Variants in PIK3C2G observed in about 807,000 individuals in gnomAD.
PIK3C2G encodes the protein phosphatidylinositol 3-kinase C2 domain-containing subunit gamma.
A neutral mutation model predicts 181.1 loss-of-function variants in PIK3C2G; 168 were observed. That is an observed-to-expected ratio of 0.93 (90% confidence interval 0.82 to 1.05). PIK3C2G has a LOEUF of 1.05. Ranked by LOEUF, PIK3C2G falls within the 50% of genes least tolerant of loss-of-function variation. PIK3C2G has a pLI of 0.00. For missense variants in PIK3C2G, 1,869 were observed against 1,732.8 expected (o/e 1.08, Z -1.40); for synonymous variants, 573 against 592.2 (o/e 0.97, Z 0.47).
chr12:18,545,721 A>T (rs181673417), intron 25 of PIK3C2G, among the ~76,000 whole-genome samples: 1 of 152,022 alleles, frequency 6.6e-6, no homozygotes, highest in Non-Finnish European at 1.5e-5. Context: ...GGAAAATTGT[A>T]TTCTTCTAGT....
At chr12:18,266,013 T>TA (rs61315448) in intron 1 of PIK3C2G, among the ~76,000 whole-genome samples, 8,098 of 61,698 alleles carry the variant, frequency 0.13, 1,260 homozygotes, top group Non-Finnish European at 0.17. Flanking sequence ...AGACTTCATC[T>TA]AAAAAAAAAA....
intron 26 of PIK3C2G, among the ~76,000 whole-genome samples, chr12:18,557,277 T>C (rs1005276349): frequency 4.6e-5 from 7 of 151,982 alleles, no homozygotes; most frequent in Non-Finnish European, 1.0e-4. Context: ...AAGTGAATAA[T>C]ACAATAATTA....
At chr12:18,475,373 A>ACAC (rs1938870745) in intron 18 of PIK3C2G, among the ~76,000 whole-genome samples, 12 of 139,914 alleles carry the variant, frequency 8.6e-5, no homozygotes, top group African/African-American at 1.3e-4. Flanking sequence ...CCACCACCCC[A>ACAC]ACACACACAC....
intron 30 of PIK3C2G, among the ~76,000 whole-genome samples, chr12:18,596,024 T>C (rs1008015054): frequency 2.6e-5 from 4 of 152,260 alleles, no homozygotes; most frequent in Admixed American, 6.5e-5. Context: ...TGGCTCACCA[T>C]TGTATCCCTG....
the PIK3C2G span, among the ~76,000 whole-genome samples, chr12:18,676,284 G>A: frequency 0.1 from 15,851 of 152,138 alleles, 1,052 homozygotes; most frequent in African/African-American, 0.19. Context: ...AGCAATATGA[G>A]CTAATAAATG....
intron 18 of PIK3C2G, among the ~76,000 whole-genome samples, chr12:18,458,279 A>C (rs1210487047): frequency 1.3e-5 from 2 of 152,122 alleles, no homozygotes; most frequent in East Asian, 3.9e-4. Context: ...TGAAGCAATA[A>C]TTTTCTGGGC....
At chr12:18,372,795 T>C (rs1942161504) in intron 13 of PIK3C2G, 1 of 152,206 alleles carries the variant, frequency 6.6e-6, no homozygotes, top group Non-Finnish European at 1.5e-5. Context: ...ATGGTTACGA[T>C]AGTAAAAATA....
intron 16 of PIK3C2G, among the ~76,000 whole-genome samples, chr12:18,405,400 T>G (rs73066550): frequency 0.12 from 12,891 of 111,916 alleles, 885 homozygotes; most frequent in Admixed American, 0.28. Flanking sequence ...AACATTTGTG[T>G]TGTTGTTGTT....
At chr12:18,451,079 T>C (rs1173246208) in intron 18 of PIK3C2G, among the ~76,000 whole-genome samples, 1 of 152,204 alleles carries the variant, frequency 6.6e-6, no homozygotes, top group Non-Finnish European at 1.5e-5. Context: ...TGGTTCCATA[T>C]GAAATTTAAA....
intron 18 of PIK3C2G, among the ~76,000 whole-genome samples, chr12:18,482,468 G>A (rs1455747049): frequency 1.3e-5 from 2 of 152,084 alleles, no homozygotes; most frequent in Non-Finnish European, 2.9e-5. Flanking sequence ...CCCACCAGGA[G>A]ATTTGGCTCT....
chr12:18,500,931 C>A (rs1207977693), intron 22 of PIK3C2G, among the ~76,000 whole-genome samples: 1 of 151,946 alleles, frequency 6.6e-6, no homozygotes, highest in Non-Finnish European at 1.5e-5. Context: ...CACGAACCCA[C>A]CGGGAGGAAC....
intron 26 of PIK3C2G, among the ~76,000 whole-genome samples, chr12:18,556,030 G>A (rs943610116): frequency 4.6e-5 from 7 of 152,086 alleles, no homozygotes; most frequent in Non-Finnish European, 8.8e-5. Context: ...CTTCCTCAGG[G>A]CAGAAATTTG....
At chr12:18,550,272 T>A (rs1944655410) in intron 26 of PIK3C2G, among the ~76,000 whole-genome samples, 2 of 152,020 alleles carry the variant, frequency 1.3e-5, no homozygotes, top group African/African-American at 2.4e-5. Context: ...CTGAAACAAA[T>A]TATGTATTAT....
rs886395618 is a variant in PIK3C2G at position 18,491,541 on chromosome 12, A to C, written c.2776A>C (p.Lys926Gln). The C allele has an allele frequency of 1.9e-6, 3 of 1,576,942 alleles. No individual in the cohort carries two copies. In the African/African-American group the frequency reaches 4.0e-5, roughly 21 times the overall value. Residue 926 changes from lysine (K) to glutamine (Q), a missense_variant, in exon 20 of 33, where the codon AAA becomes CAA. Lys to Gln is a moderately conservative substitution (Grantham distance 53). Coordinates refer to ENST00000538779, the MANE Select transcript of PIK3C2G (RefSeq NM_001288772.2). ...TCCTCTGAACCCTGCCCTATGTATA[A>C]AAGGGATTGATCACGATGTAAGTCA... ...HLPLNPALCI[K>Q]GIDHDACSYF... is the part of the protein sequence containing the mutation.
At chr12:18,292,227 A>ATAT (rs1555149103) in intron 4 of PIK3C2G, among the ~76,000 whole-genome samples, 49 of 48,702 alleles carry the variant, frequency 1.0e-3, no homozygotes, top group African/African-American at 3.1e-3. Context: ...AAAAAAAAAA[A>ATAT]ATATATATAT....
At chr12:18,590,959 T>C (rs1947046639) in intron 29 of PIK3C2G, among the ~76,000 whole-genome samples, 1 of 151,934 alleles carries the variant, frequency 6.6e-6, no homozygotes, top group Admixed American at 6.6e-5. Flanking sequence ...TTGGAAAGAT[T>C]TCTTTCCTAC....
chr12:18,697,978 CA>C, the PIK3C2G span, among the ~76,000 whole-genome samples: 1 of 151,652 alleles, frequency 6.6e-6, no homozygotes, highest in Non-Finnish European at 1.5e-5. Context: ...AATTCCTTTC[CA>C]AAATTTTTGC....
At chr12:18,664,957 T>C in the PIK3C2G span, among the ~76,000 whole-genome samples, 394 of 130,496 alleles carry the variant, frequency 3.0e-3, 3 homozygotes, top group African/African-American at 0.011. Flanking sequence ...AATTGAACAA[T>C]GAGGACACAT....
At chr12:18,619,869 C>T (rs1188972970) in intron 31 of PIK3C2G, among the ~76,000 whole-genome samples, 4 of 151,636 alleles carry the variant, frequency 2.6e-5, no homozygotes, top group Admixed American at 1.3e-4. Context: ...GGACTACAGG[C>T]GTCCACCACC....
Sources: gnomAD v4.1 joint callset for allele counts (sites outside exome capture counted in the v4.1 genomes callset) on GRCh38, gnomAD v4.1.1 for gene constraint, MANE v1.5 for transcripts, NCBI Gene and HGNC (gene_info 2026-07-23, HGNC 2026-07-21) for gene names.